Variants in PAPSS2 observed in about 807,000 individuals in gnomAD.
PAPSS2 encodes bifunctional 3'-phosphoadenosine 5'-phosphosulfate synthase 2.
PAPSS2 carries 61 observed loss-of-function variants against 66.5 expected under a neutral mutation model. The ratio of observed to expected loss-of-function variants is 0.92; its 90% CI spans 0.75 to 1.14. PAPSS2 has a LOEUF of 1.14. Among genes scored for constraint, PAPSS2 ranks in the 50% most tolerant of loss-of-function variants. PAPSS2 has a pLI of 0.00. For synonymous variants in PAPSS2, 289 were observed against 287.5 expected (o/e 1.01, Z -0.05); for missense variants, 708 against 789.6 (o/e 0.90, Z 1.24).
chr10:87,667,446 G>C (rs12761361), intron 1 of PAPSS2, among the ~76,000 whole-genome samples: 53,507 of 151,954 alleles, frequency 0.35, 10,306 homozygotes, highest in East Asian at 0.53. Context: ...GTGAGACCCT[G>C]TCTCAAAAAA....
At chr10:87,745,382 T>A (rs1440849792) in intron 12 of PAPSS2, 151 bp downstream of exon 12, 2 of 680,172 alleles carry the variant, frequency 2.9e-6, no homozygotes, top group African/African-American at 3.6e-5. Context: ...TCTTATAAAT[T>A]TTATGTCCCC....
Position 87,709,359 on chromosome 10 carries a change from G to A in PAPSS2, c.145+46G>A, listed in dbSNP as rs1437772231. Reference sequence around the variant, plus strand: ...TATATATATATACAAATTGCAAACTGACATGTGACACAATTTTATGGAAAT... The same window carrying A: ...TATATATATATACAAATTGCAAACTAACATGTGACACAATTTTATGGAAAT... On this transcript the variant is annotated intron_variant, in intron 2 of 12. Coordinates refer to ENST00000456849, the MANE Select transcript of PAPSS2 (RefSeq NM_001015880.2). The A allele has an allele frequency of 3.6e-6, 4 of 1,124,430 alleles. No individual in the cohort carries two copies. The South Asian group carries it at 5.0e-5, about 14-fold the overall frequency. 69.7% of individuals were successfully genotyped at this position (1,124,430 alleles called of 1,614,324 possible).
At chr10:87,712,401 C>T (rs1260034267) in intron 2 of PAPSS2, among the ~76,000 whole-genome samples, 3 of 152,204 alleles carry the variant, frequency 2.0e-5, no homozygotes, top group Admixed American at 6.5e-5. Context: ...ACCACTGTCA[C>T]CACATCTTTT....
intron 1 of PAPSS2, among the ~76,000 whole-genome samples, chr10:87,705,786 C>T (rs1225874897): frequency 6.7e-6 from 1 of 150,274 alleles, no homozygotes; most frequent in Admixed American, 6.6e-5. Flanking sequence ...CAGGCTGGAG[C>T]GTAGTGGCAT....
intron 1 of PAPSS2, among the ~76,000 whole-genome samples, chr10:87,707,894 T>TA (rs375092214): frequency 3.9e-4 from 59 of 152,254 alleles, no homozygotes; most frequent in Middle Eastern, 6.8e-3. Context: ...TAGCTCTTGC[T>TA]AAAAAAAGTT....
intron 9 of PAPSS2, among the ~76,000 whole-genome samples, chr10:87,729,920 C>T (rs1317188127): frequency 6.6e-6 from 1 of 152,060 alleles, no homozygotes; most frequent in Non-Finnish European, 1.5e-5. Flanking sequence ...CGCTTGAACC[C>T]AGGAAGTGGA....
chr10:87,696,882 G>C lies in PAPSS2; in HGVS notation c.28-12314G>C, dbSNP rs149840103. ...TTTGGATTTACAGAAAAGTTGAGAA[G>C]ATGGTGCAAGGAGTTCCCATGGACC... On this transcript the variant is annotated intron_variant, in intron 1 of 12. Coordinates refer to ENST00000456849, the MANE Select transcript of PAPSS2 (RefSeq NM_001015880.2). Among the ~76,000 whole-genome samples the C allele has an allele frequency of 4.9e-3, 744 of 152,314 alleles. 1 individual carries two copies. The Middle Eastern group carries it at 0.065, about 13-fold the overall frequency.
chr10:87,664,919 A>C (rs542039892), intron 1 of PAPSS2, among the ~76,000 whole-genome samples: 4 of 152,226 alleles, frequency 2.6e-5, no homozygotes, highest in Admixed American at 1.3e-4. Context: ...ATCCTGGCAC[A>C]GATTAGGTGT....
intron 8 of PAPSS2, among the ~76,000 whole-genome samples, chr10:87,723,442 T>C (rs548330798): frequency 2.0e-5 from 3 of 152,194 alleles, no homozygotes; most frequent in African/African-American, 7.2e-5. Context: ...GGAAACTGAG[T>C]TTAGAAAAGT....
rs1853937848 is a variant in PAPSS2 at position 87,746,190 on chromosome 10, A to G, written c.*220A>G. ...CCAAATCTTAGCAGGTAAAAGCAATATTCTTATACATTTCATAATAAAATT... is the reference window on the plus strand; with the variant it reads ...CCAAATCTTAGCAGGTAAAAGCAATGTTCTTATACATTTCATAATAAAATT... On this transcript the variant is annotated 3_prime_UTR_variant, in exon 13 of 13. Coordinates refer to ENST00000456849, the MANE Select transcript of PAPSS2 (RefSeq NM_001015880.2). 2 of 341,226 alleles carry G rather than the reference A, an allele frequency of 5.9e-6. No homozygotes were observed. Among genetic ancestry groups the G allele is most frequent in the Non-Finnish European group, 1.0e-5 (2 of 192,410 alleles). 21.1% of individuals were successfully genotyped at this position (341,226 alleles called of 1,614,324 possible). A position where few individuals can be genotyped will look rare whatever the true frequency, so the allele number is the denominator to read the frequency against.
chr10:87,723,689 C>T lies in PAPSS2; in HGVS notation c.880+1919C>T, dbSNP rs942353975. Among the ~76,000 whole-genome samples the T allele has an allele frequency of 2.6e-5, 4 of 151,884 alleles. No homozygotes were observed. The East Asian group carries it at 7.7e-4, about 29-fold the overall frequency. On this transcript the variant is annotated intron_variant, in intron 8 of 12. Transcript: ENST00000456849. ...TATTGCCGGCAGTTGCTGTCTATTT[C>T]CGGTGACATTCTTTAGGTTCTAGTA...
chr10:87,666,752 A>G (rs969102975), intron 1 of PAPSS2, among the ~76,000 whole-genome samples: 3 of 151,948 alleles, frequency 2.0e-5, no homozygotes, highest in African/African-American at 7.3e-5. Flanking sequence ...GTCGTGGGGT[A>G]TGAATTTGGT....
intron 1 of PAPSS2, among the ~76,000 whole-genome samples, chr10:87,676,904 A>G (rs1852956516): frequency 7.5e-6 from 1 of 133,442 alleles, no homozygotes; most frequent in Admixed American, 7.8e-5. Context: ...AAAAAAAAAA[A>G]AAAAAAAGGC....
intron 7 of PAPSS2, among the ~76,000 whole-genome samples, chr10:87,718,661 C>T (rs1159314688): frequency 6.6e-6 from 1 of 152,232 alleles, no homozygotes; most frequent in Non-Finnish European, 1.5e-5. Flanking sequence ...CTCAGAAGTG[C>T]AGATCATGCT....
intron 9 of PAPSS2, among the ~76,000 whole-genome samples, chr10:87,735,818 G>T (rs879533210): frequency 3.9e-5 from 6 of 152,206 alleles, no homozygotes; most frequent in Non-Finnish European, 1.5e-5. Context: ...GTCACCAGGA[G>T]TGACTAAATC....
intron 1 of PAPSS2, among the ~76,000 whole-genome samples, chr10:87,668,312 C>T (rs561893763): frequency 1.3e-5 from 2 of 152,266 alleles, no homozygotes; most frequent in South Asian, 2.1e-4. Context: ...AAAATCCTCA[C>T]GTATATATTT....
At chr10:87,691,309 C>T (rs1353056359) in intron 1 of PAPSS2, among the ~76,000 whole-genome samples, 2 of 152,068 alleles carry the variant, frequency 1.3e-5, no homozygotes, top group Admixed American at 6.6e-5. Flanking sequence ...AAATTTTGAA[C>T]CCCCATAGTA....
At chr10:87,701,430 C>T (rs6586096) in intron 1 of PAPSS2, among the ~76,000 whole-genome samples, 5,824 of 66,132 alleles carry the variant, frequency 0.088, 392 homozygotes, top group African/African-American at 0.18. Context: ...CTCTCTCTCT[C>T]TCTTTCTTTC....
chr10:87,743,150 G>A (rs1265180861), intron 10 of PAPSS2, among the ~76,000 whole-genome samples: 1 of 151,882 alleles, frequency 6.6e-6, no homozygotes, highest in Non-Finnish European at 1.5e-5. Flanking sequence ...GGAGGCTGAG[G>A]CAGGAGAATC....
Sources: gnomAD v4.1 joint callset for allele counts (sites outside exome capture counted in the v4.1 genomes callset) on GRCh38, gnomAD v4.1.1 for gene constraint, MANE v1.5 for transcripts, NCBI Gene and HGNC (gene_info 2026-07-23, HGNC 2026-07-21) for gene names.